The following C9orf57 variants were observed in gnomAD, a reference collection of about 807,000 sequenced individuals.
C9orf57 encodes the protein uncharacterized protein C9orf57.
C9orf57 carries 12 observed loss-of-function variants against 12.9 expected under a neutral mutation model. That is an observed-to-expected ratio of 0.93 (90% CI 0.60 to 1.51). The LOEUF (loss-of-function observed/expected upper bound fraction) is 1.51, where lower values mean the gene tolerates loss of function less well. Ranked by LOEUF, C9orf57 falls within the 40% of genes most tolerant of loss-of-function variation. C9orf57 has a pLI of 0.00. For missense variants in C9orf57, 141 were observed against 162.8 expected (o/e 0.87, Z 0.73); for synonymous variants, 49 against 57.1 (o/e 0.86, Z 0.64).
intron 4 of C9orf57, among the ~76,000 whole-genome samples, chr9:72,055,185 C>T (rs1449061717): frequency 2.0e-5 from 3 of 151,764 alleles, no homozygotes; most frequent in Non-Finnish European, 2.9e-5. Context: ...AATCCACGCA[C>T]CTCTGCCTTC....
intron 1 of C9orf57, among the ~76,000 whole-genome samples, chr9:72,060,089 C>G (rs1824298687): frequency 1.3e-5 from 2 of 151,992 alleles, no homozygotes; most frequent in Admixed American, 1.3e-4. Flanking sequence ...ACTCTGTTGC[C>G]AGACTGGAGT....
intron 3 of C9orf57, 114 bp from the exon 4 acceptor site, chr9:72,056,310 ATTT>A: frequency 2.3e-6 from 1 of 429,074 alleles, no homozygotes; most frequent in Non-Finnish European, 3.5e-6. Flanking sequence ...ATATATATAT[ATTT>A]ATGTTATATA....
chr9:72,060,145 C>T (rs1824301161), intron 1 of C9orf57, among the ~76,000 whole-genome samples: 1 of 152,128 alleles, frequency 6.6e-6, no homozygotes, highest in Non-Finnish European at 1.5e-5. Context: ...CTCCCCGGTT[C>T]AAGCGATTTT....
intron 2 of C9orf57, among the ~76,000 whole-genome samples, chr9:72,058,939 A>G (rs570682847): frequency 7.2e-5 from 11 of 151,988 alleles, no homozygotes; most frequent in African/African-American, 2.7e-4. Context: ...GTGCAATGGC[A>G]TGATCTTGGC....
chr9:72,055,451 A>G (rs1010121), intron 4 of C9orf57, among the ~76,000 whole-genome samples: 113,252 of 133,216 alleles, frequency 0.85, 48,138 homozygotes, highest in Non-Finnish European at 0.89. Flanking sequence ...TCGAGACATG[A>G]TCTCACTCCA....
chr9:72,060,090 A>C (rs114887507), intron 1 of C9orf57, among the ~76,000 whole-genome samples: 1,920 of 152,264 alleles, frequency 0.013, 41 homozygotes, highest in African/African-American at 0.044. Context: ...CTCTGTTGCC[A>C]GACTGGAGTG....
In C9orf57 at chr9:72,059,388, G is replaced by A. The variant is rs1824281163; in HGVS notation, c.-53-4C>T. The A allele has an allele frequency of 1.9e-6, 3 of 1,551,376 alleles. No individual in the cohort carries two copies. Among genetic ancestry groups the A allele is most frequent in the Non-Finnish European group, 1.7e-6 (2 of 1,146,954 alleles). ...GAAAGACACGTCCCACTGATTTCTG[G>A]GGAAGCAATAAAGTTACACATTTAT... On this transcript the variant is annotated splice_region_variant and splice_polypyrimidine_tract_variant and intron_variant, in intron 1 of 4. Coordinates refer to ENST00000651200, the MANE Select transcript of C9orf57 (RefSeq NM_001128618.2).
At chr9:72,052,463 T>C in intron 4 of C9orf57, 28 bp from the exon 5 acceptor site, 1 of 1,547,722 alleles carries the variant, frequency 6.5e-7, no homozygotes, top group African/African-American at 1.4e-5. Flanking sequence ...GGTAAGGAAA[T>C]TTCTTGGGAG....
chr9:72,055,110 T>A (rs10120139), intron 4 of C9orf57, among the ~76,000 whole-genome samples: 26,132 of 105,222 alleles, frequency 0.25, 2,394 homozygotes, highest in Non-Finnish European at 0.3. Context: ...ATATATATAT[T>A]TTTTTTTGTA....
rs1320274803 is a variant in C9orf57 at position 72,052,386 on chromosome 9, C to T, written c.330G>A (p.Glu110=). 1 of 1,552,110 alleles carries T rather than the reference C, an allele frequency of 6.4e-7. No homozygotes were observed. The highest frequency in any genetic ancestry group is 8.7e-7 in the Non-Finnish European group (1 of 1,147,096). Residue 110 remains glutamate, a synonymous_variant, in exon 5 of 5, where the codon GAG becomes GAA. Coordinates refer to ENST00000651200, the MANE Select transcript of C9orf57 (RefSeq NM_001128618.2). ...TCTTGACGAGAGTACTCTTGAAGCA[C>T]TCTGATGTGTTCTTTGTGCAGCCTT... The part of the protein sequence containing the change: ...SVKGCTKNTS[E]CFKSTLVKRI...
chr9:72,056,903 A>C (rs1011231117), intron 2 of C9orf57, 60 bp from the exon 3 acceptor site: 1 of 1,331,368 alleles, frequency 7.5e-7, no homozygotes, highest in Non-Finnish European at 1.0e-6. Context: ...GTATACATAT[A>C]TATGTATACT....
rs149055274 is a variant in C9orf57, at chr9:72,060,458, A to T, written c.-54+39T>A. ...TAAAATGAAGGGAAGAAATTGTAAGATTGGGTAAAGTATAATATTTCAGTT... is the reference window on the plus strand; with the variant it reads ...TAAAATGAAGGGAAGAAATTGTAAGTTTGGGTAAAGTATAATATTTCAGTT... On this transcript the variant is annotated intron_variant, in intron 1 of 4. Coordinates refer to ENST00000651200, the MANE Select transcript of C9orf57 (RefSeq NM_001128618.2). The T allele has an allele frequency of 3.7e-5, 37 of 1,008,598 alleles. No individual in the cohort carries two copies. In the African/African-American group the frequency reaches 3.8e-4, roughly 10 times the overall value. The allele number at this position is 1,008,598 out of a possible 1,614,324, so 62.5% of individuals were successfully genotyped here. A position where few individuals can be genotyped will look rare whatever the true frequency, so the allele number is the denominator to read the frequency against.
intron 1 of C9orf57, 151 bp downstream of exon 1, chr9:72,060,346 A>G (rs974965585): frequency 5.1e-6 from 3 of 586,402 alleles, no homozygotes; most frequent in Non-Finnish European, 6.2e-6. Flanking sequence ...CGCCCGGCCT[A>G]TGAATTATTA....
chr9:72,055,320 C>A, intron 4 of C9orf57, among the ~76,000 whole-genome samples: 1 of 150,798 alleles, frequency 6.6e-6, no homozygotes, highest in Non-Finnish European at 1.5e-5. Context: ...TCCTCTTTCT[C>A]TCTTTCTCTT....
chr9:72,057,784 C>G (rs956882461), intron 2 of C9orf57, among the ~76,000 whole-genome samples: 1 of 152,078 alleles, frequency 6.6e-6, no homozygotes, highest in Non-Finnish European at 1.5e-5. Flanking sequence ...TATATATAGT[C>G]GATTCTTCAT....
In C9orf57 at chr9:72,059,372, G is replaced by C; in HGVS notation, c.-41C>G. On this transcript the variant is annotated 5_prime_UTR_variant, in exon 2 of 5. Transcript: ENST00000651200. ...GAAAAGGAGATGAAAGGAAAGACAC[G>C]TCCCACTGATTTCTGGGGAAGCAAT... The C allele has an allele frequency of 6.4e-7, 1 of 1,551,782 alleles. No individual in the cohort carries two copies. Among genetic ancestry groups the C allele is most frequent in the Non-Finnish European group, 8.7e-7 (1 of 1,147,022 alleles).
chr9:72,057,328 C>A (rs887584902), intron 2 of C9orf57, among the ~76,000 whole-genome samples: 1 of 152,046 alleles, frequency 6.6e-6, no homozygotes, highest in African/African-American at 2.4e-5. Flanking sequence ...CGGGTTCAAG[C>A]GATTCTCCTG....
intron 1 of C9orf57, among the ~76,000 whole-genome samples, chr9:72,060,041 AATT>A (rs148166325): frequency 1.3e-5 from 2 of 151,706 alleles, no homozygotes; most frequent in African/African-American, 2.4e-5. Flanking sequence ...CTCCTTTATG[AATT>A]ATTATTATTA....
chr9:72,051,387 T>C lies in C9orf57; in HGVS notation c.*909A>G, dbSNP rs1378987109. 1 of 152,154 alleles carries C rather than the reference T, an allele frequency of 6.6e-6. No homozygotes were observed. Among genetic ancestry groups the C allele is most frequent in the East Asian group, 1.9e-4 (1 of 5,192 alleles). 9.4% of individuals were successfully genotyped at this position (152,154 alleles called of 1,614,324 possible). The stretch of plus-strand genomic sequence containing the variant: ...AAAGACAGACAAGATTTTATTGACA[T>C]TTATTATTTATTTTTTGAATTTTCA... On this transcript the variant is annotated 3_prime_UTR_variant, in exon 5 of 5. Coordinates refer to ENST00000651200, the MANE Select transcript of C9orf57 (RefSeq NM_001128618.2).
Sources: allele counts gnomAD v4.1 joint callset (sites outside exome capture counted in the v4.1 genomes callset), GRCh38; gene constraint gnomAD v4.1.1; transcripts MANE v1.5; gene names NCBI Gene and HGNC (gene_info 2026-07-23, HGNC 2026-07-21).